The following UNC5C variants were observed in gnomAD, a reference collection of about 807,000 sequenced individuals.
UNC5C encodes the protein unc-5 netrin receptor C, also known as netrin receptor UNC5C.
A neutral mutation model predicts 99.8 loss-of-function variants in UNC5C; 47 were observed. That is an observed-to-expected ratio of 0.47 (90% confidence interval 0.37 to 0.60). UNC5C has a LOEUF of 0.60. UNC5C is among the 20% of genes least tolerant of loss of function. The pLI is 0.00. For synonymous variants in UNC5C, 487 were observed against 452.2 expected, an observed-to-expected ratio of 1.08 and a Z score of -0.98; for missense variants, 1,062 against 1,165.9, an observed-to-expected ratio of 0.91 and a Z score of 1.30.
chr4:95,222,114 T>C, intron 7 of UNC5C: 1 of 810,756 alleles, frequency 1.2e-6, no homozygotes, highest in Non-Finnish European at 1.8e-6. Context: ...CTATTTCCTG[T>C]GTGCACATCT....
At chr4:95,331,577 T>C (rs142657606) in intron 2 of UNC5C, among the ~76,000 whole-genome samples, 12 of 152,230 alleles carry the variant, frequency 7.9e-5, no homozygotes, top group African/African-American at 2.4e-4. Flanking sequence ...TTCCTGAATC[T>C]CAGGAGAACT....
chr4:95,268,946 T>C (rs1740556775), intron 4 of UNC5C, among the ~76,000 whole-genome samples: 1 of 152,124 alleles, frequency 6.6e-6, no homozygotes, highest in African/African-American at 2.4e-5. Flanking sequence ...GGAAAAGCAA[T>C]TATGGGGCTA....
At chr4:95,393,447 T>C (rs1425315073) in intron 1 of UNC5C, among the ~76,000 whole-genome samples, 1 of 152,170 alleles carries the variant, frequency 6.6e-6, no homozygotes, top group Non-Finnish European at 1.5e-5. Context: ...ATGACACACA[T>C]ACTATGTGTG....
intron 10 of UNC5C, among the ~76,000 whole-genome samples, chr4:95,214,088 A>AAATT (rs1394085096): frequency 6.6e-6 from 1 of 152,200 alleles, no homozygotes; most frequent in Non-Finnish European, 1.5e-5. Flanking sequence ...GAAGTAAATG[A>AAATT]AATTAAGAGT....
intron 1 of UNC5C, among the ~76,000 whole-genome samples, chr4:95,518,082 T>A (rs1722260496): frequency 6.6e-6 from 1 of 152,178 alleles, no homozygotes. Context: ...AGTGAACGTG[T>A]TATTCAACAT....
intron 1 of UNC5C, among the ~76,000 whole-genome samples, chr4:95,375,801 G>C (rs1194414895): frequency 1.3e-5 from 2 of 152,122 alleles, no homozygotes; most frequent in Non-Finnish European, 2.9e-5. Context: ...GAATAGGCCG[G>C]GCGTGGTGGC....
chr4:95,407,245 A>G (rs567186350), intron 1 of UNC5C, among the ~76,000 whole-genome samples: 1 of 152,262 alleles, frequency 6.6e-6, no homozygotes, highest in Admixed American at 6.5e-5. Flanking sequence ...TATGAAGAGA[A>G]TAAAGGTGTT....
At chr4:95,517,981 T>C (rs1024172671) in intron 1 of UNC5C, among the ~76,000 whole-genome samples, 4 of 152,272 alleles carry the variant, frequency 2.6e-5, no homozygotes, top group African/African-American at 4.8e-5. Flanking sequence ...CGTTAAAACA[T>C]CTGGGAGACG....
At chr4:95,169,907 A>G (rs1560710282) in intron 15 of UNC5C, among the ~76,000 whole-genome samples, 1 of 152,240 alleles carries the variant, frequency 6.6e-6, no homozygotes. Flanking sequence ...TTAGCCCATC[A>G]GCTTGGCAAA....
intron 7 of UNC5C, among the ~76,000 whole-genome samples, chr4:95,224,505 CT>C (rs1738600140): frequency 6.6e-6 from 1 of 152,170 alleles, no homozygotes; most frequent in South Asian, 2.1e-4. Flanking sequence ...TGAATGTCAA[CT>C]TTCACAAATA....
chr4:95,199,368 A>ATAAC (rs1737561303), intron 12 of UNC5C, among the ~76,000 whole-genome samples: 1 of 152,192 alleles, frequency 6.6e-6, no homozygotes, highest in Non-Finnish European at 1.5e-5. Flanking sequence ...CCATTTGCCT[A>ATAAC]TAACTAGGAT....
intron 4 of UNC5C, among the ~76,000 whole-genome samples, chr4:95,270,562 CAT>C (rs1740621381): frequency 6.6e-6 from 1 of 152,202 alleles, no homozygotes; most frequent in African/African-American, 2.4e-5. Flanking sequence ...CTTAATTGCA[CAT>C]ATGTCTAGCT....
intron 1 of UNC5C, among the ~76,000 whole-genome samples, chr4:95,402,432 A>G (rs1010214134): frequency 2.6e-5 from 4 of 152,204 alleles, no homozygotes; most frequent in Admixed American, 6.5e-5. Flanking sequence ...CAGCACAATC[A>G]TTCTCCATTT....
intron 4 of UNC5C, among the ~76,000 whole-genome samples, chr4:95,266,288 C>A (rs1414031813): frequency 2.0e-5 from 3 of 152,144 alleles, no homozygotes; most frequent in Admixed American, 2.0e-4. Flanking sequence ...ACATGGGGAC[C>A]AATTCCAGCT....
chr4:95,505,092 CT>C (rs1407803601), intron 1 of UNC5C, among the ~76,000 whole-genome samples: 3 of 152,058 alleles, frequency 2.0e-5, no homozygotes, highest in Non-Finnish European at 4.4e-5. Flanking sequence ...ATATTCACTT[CT>C]TAATTTCAGA....
intron 1 of UNC5C, among the ~76,000 whole-genome samples, chr4:95,398,323 A>G (rs1049019677): frequency 6.6e-6 from 1 of 151,998 alleles, no homozygotes; most frequent in African/African-American, 2.4e-5. Context: ...AGAAACCATC[A>G]TCCCTTGATC....
chr4:95,305,334 T>G (rs937075147), intron 2 of UNC5C, among the ~76,000 whole-genome samples: 1 of 152,202 alleles, frequency 6.6e-6, no homozygotes, highest in African/African-American at 2.4e-5. Flanking sequence ...GTAAGTTTAT[T>G]ACCTATGAGA....
At chr4:95,273,837 A>G (rs982030096) in intron 4 of UNC5C, among the ~76,000 whole-genome samples, 2 of 151,976 alleles carry the variant, frequency 1.3e-5, no homozygotes, top group Non-Finnish European at 2.9e-5. Context: ...AGTGGTTTGG[A>G]ACCTTGCCCT....
chr4:95,367,187 C>CTTT lies in UNC5C; in HGVS notation c.125-31559_125-31557dup, dbSNP rs34534787. Among the ~76,000 whole-genome samples, 94 of 139,018 alleles carry CTTT rather than the reference C, an allele frequency of 6.8e-4. 1 individual carries two copies. The highest frequency in any genetic ancestry group is 1.2e-3 in the South Asian group (5 of 4,290). The allele number at this position is 139,018 out of a possible 152,430, so 91.2% of individuals were successfully genotyped here. A position where few individuals can be genotyped will look rare whatever the true frequency, so the allele number is the denominator to read the frequency against. The stretch of plus-strand genomic sequence containing the variant: ...TTTGAGTCTTCTTACTTCTCCCATT[C>CTTT]TTTTTTTTTTTTTTTTCAAAGAAAA... On this transcript the variant is annotated intron_variant, in intron 1 of 15. Transcript: ENST00000453304.
Sources: gnomAD v4.1 joint callset for allele counts (sites outside exome capture counted in the v4.1 genomes callset) on GRCh38, gnomAD v4.1.1 for gene constraint, MANE v1.5 for transcripts, NCBI Gene and HGNC (gene_info 2026-07-23, HGNC 2026-07-21) for gene names.